The following VPS54 variants were observed in gnomAD, a reference collection of about 807,000 sequenced individuals.
The protein encoded by VPS54 is VPS54 subunit of GARP complex, also known as vacuolar protein sorting-associated protein 54.
Under a neutral mutation model 121.5 loss-of-function variants are expected in VPS54, and 45 were observed. The observed-to-expected ratio is 0.37, with a 90% CI of 0.29 to 0.47. The LOEUF (loss-of-function observed/expected upper bound fraction) is 0.47. Ranked by LOEUF, VPS54 falls within the 20% of genes least tolerant of loss-of-function variation. VPS54 has a pLI of 0.99. For synonymous variants in VPS54, 371 were observed against 385.8 expected (o/e 0.96, Z 0.45); for missense variants, 1,090 against 1,131.4 (o/e 0.96, Z 0.52).
intron 11 of VPS54, among the ~76,000 whole-genome samples, chr2:63,934,627 C>A (rs1674368679): frequency 1.3e-5 from 2 of 152,084 alleles, no homozygotes; most frequent in Admixed American, 1.3e-4. Context: ...TTCCCTGAAT[C>A]TCCACCCAGC....
chr2:63,947,827 T>G lies in VPS54; in HGVS notation c.1138-337A>C, dbSNP rs903706269. On this transcript the variant is annotated intron_variant, in intron 8 of 22. Coordinates refer to ENST00000272322, the MANE Select transcript of VPS54 (RefSeq NM_016516.3). The stretch of plus-strand genomic sequence containing the variant: ...ATAAATACTCCATGGGCCCTGTGGG[T>G]TTTTTTTGGTTTTTGCTTCTTTGTT... Among the ~76,000 whole-genome samples the G allele has an allele frequency of 5.3e-5, 8 of 151,476 alleles. No individual in the cohort carries two copies. The South Asian group carries it at 6.3e-4, about 12-fold the overall frequency.
chr2:63,946,793 T>TGA (rs1186797063), intron 9 of VPS54, among the ~76,000 whole-genome samples: 1 of 152,098 alleles, frequency 6.6e-6, no homozygotes, highest in Non-Finnish European at 1.5e-5. Context: ...AACATTTGTC[T>TGA]ACTGCTGATG....
intron 1 of VPS54, among the ~76,000 whole-genome samples, chr2:64,005,086 C>CTGCTTTTTTTT (rs1678061133): frequency 1.3e-5 from 1 of 76,604 alleles, no homozygotes; most frequent in Admixed American, 1.5e-4. Flanking sequence ...TCTACTATTG[C>CTGCTTTTTTTT]TTCTTTTTTT....
rs374339034 is a variant in VPS54 at position 63,916,926 on chromosome 2, G to A, written c.2202C>T (p.Val734=). Residue 734 remains valine, a synonymous_variant, in exon 16 of 23, where the codon GTC becomes GTT. Transcript: ENST00000272322. ...CAACAACTGCATACTGTTGTCCCTCGACAATAAGAACTTCAGCTGGTTTCC... is the reference window on the plus strand; with the variant it reads ...CAACAACTGCATACTGTTGTCCCTCAACAATAAGAACTTCAGCTGGTTTCC... ...EERKPAEVLI[V]EGQQYAVVGT... is the part of the protein sequence containing the mutation. 32 of 1,613,394 alleles carry A rather than the reference G, an allele frequency of 2.0e-5. No individual in the cohort carries two copies. The highest frequency in any genetic ancestry group is 2.2e-5 in the Non-Finnish European group (26 of 1,179,640).
intron 2 of VPS54, among the ~76,000 whole-genome samples, chr2:63,982,852 G>C (rs981731216): frequency 5.3e-5 from 8 of 152,180 alleles, no homozygotes; most frequent in Non-Finnish European, 4.4e-5. Context: ...GCAGAGCTTT[G>C]TCTTGTTCAA....
rs550809925 is a variant in VPS54, at chr2:63,927,866, A to G, written c.1739+5807T>C. On this transcript the variant is annotated intron_variant, in intron 12 of 22. Coordinates refer to ENST00000272322, the MANE Select transcript of VPS54 (RefSeq NM_016516.3). ...ACAGTACAAGAACTTTGTGAAGCAT[A>G]CACAAGCTTCAATAGCCGATTCAAT... 2.0e-5 allele frequency among the ~76,000 whole-genome samples: 3 copies of G among 152,308 alleles called. No homozygotes were observed. The East Asian group carries it at 5.8e-4, about 29-fold the overall frequency.
At chr2:63,963,693 G>A (rs1346118035) in intron 6 of VPS54, among the ~76,000 whole-genome samples, 1 of 152,032 alleles carries the variant, frequency 6.6e-6, no homozygotes, top group Non-Finnish European at 1.5e-5. Context: ...TTGAGTTTAT[G>A]CCCTTTTGCT....
chr2:64,018,058 G>A (rs1168965347), intron 1 of VPS54, among the ~76,000 whole-genome samples: 4 of 152,002 alleles, frequency 2.6e-5, no homozygotes, highest in African/African-American at 9.7e-5. Context: ...TGCAGTTTAG[G>A]TTATCGCAGT....
At position 63,999,699 on chromosome 2, in the gene VPS54, C is replaced by T. The variant is rs796701649; in HGVS notation, c.-20-15680G>A. Among the ~76,000 whole-genome samples, 6 of 152,298 alleles carry T rather than the reference C, an allele frequency of 3.9e-5. 1 individual carries two copies. Among genetic ancestry groups the T allele is most frequent in the African/African-American group, 1.4e-4 (6 of 41,560 alleles). On this transcript the variant is annotated intron_variant, in intron 1 of 22. Transcript: ENST00000272322. ...CTTTTTACCCCTATCTCTTTCTCTA[C>T]CTCCTCTTTACAGACAATAACTCTT...
chr2:63,925,231 C>G (rs1383345020), intron 12 of VPS54, among the ~76,000 whole-genome samples: 2 of 152,050 alleles, frequency 1.3e-5, no homozygotes, highest in Non-Finnish European at 2.9e-5. Context: ...TGGGTAAAGG[C>G]CTTGAATAGG....
Position 63,962,456 on chromosome 2 carries a change from G to T in VPS54, c.625-13C>A. 6.3e-7 allele frequency: 1 copy of T among 1,575,422 alleles called. No homozygotes were observed. The highest frequency in any genetic ancestry group is 8.6e-7 in the Non-Finnish European group (1 of 1,163,470). On this transcript the variant is annotated splice_polypyrimidine_tract_variant and intron_variant, in intron 6 of 22. Coordinates refer to ENST00000272322, the MANE Select transcript of VPS54 (RefSeq NM_016516.3). ...GATAATGGCTCAGCTTAAAAGAGAA[G>T]GAAAAAAAATATGAAGTACTATGAG...
chr2:63,955,772 C>A (rs1675466981), intron 7 of VPS54, among the ~76,000 whole-genome samples: 1 of 152,010 alleles, frequency 6.6e-6, no homozygotes, highest in Non-Finnish European at 1.5e-5. Flanking sequence ...TTCACCTATT[C>A]ATCCTCAATC....
At chr2:63,921,364 G>C in intron 12 of VPS54, 29 bp from the exon 13 acceptor site, 1 of 1,606,528 alleles carries the variant, frequency 6.2e-7, no homozygotes, top group Non-Finnish European at 8.5e-7. Context: ...GATTTAGTCA[G>C]GGAAAGTTGT....
intron 1 of VPS54, among the ~76,000 whole-genome samples, chr2:63,996,204 A>G (rs1344109567): frequency 6.6e-6 from 1 of 152,216 alleles, no homozygotes; most frequent in Non-Finnish European, 1.5e-5. Context: ...AATTGTGAAG[A>G]TTTCATGGAC....
intron 22 of VPS54, among the ~76,000 whole-genome samples, chr2:63,894,783 TC>T: frequency 6.6e-6 from 1 of 151,220 alleles, no homozygotes; most frequent in East Asian, 1.9e-4. Context: ...CATAGATAAA[TC>T]AGTAAAAATG....
chr2:63,995,086 A>G (rs2104655311), intron 1 of VPS54, among the ~76,000 whole-genome samples: 1 of 152,312 alleles, frequency 6.6e-6, no homozygotes, highest in East Asian at 1.9e-4. Context: ...AACTTTAGAA[A>G]TTGGCTATTG....
At chr2:63,907,663 C>G (rs1057254556) in intron 20 of VPS54, among the ~76,000 whole-genome samples, 8 of 151,936 alleles carry the variant, frequency 5.3e-5, no homozygotes, top group Admixed American at 2.6e-4. Flanking sequence ...AAGCCACAAA[C>G]TGGGAGAAAA....
chr2:63,994,024 G>C (rs950468828), intron 1 of VPS54, among the ~76,000 whole-genome samples: 3 of 152,130 alleles, frequency 2.0e-5, no homozygotes, highest in African/African-American at 7.2e-5. Flanking sequence ...GATCATCAAA[G>C]GAAAACCACA....
chr2:63,995,371 G>T (rs1032299320), intron 1 of VPS54, among the ~76,000 whole-genome samples: 1 of 152,220 alleles, frequency 6.6e-6, no homozygotes, highest in Non-Finnish European at 1.5e-5. Flanking sequence ...GTTCGAGCTG[G>T]AGAAGAAATC....
Sources: gnomAD v4.1 joint callset for allele counts (sites outside exome capture counted in the v4.1 genomes callset) on GRCh38, gnomAD v4.1.1 for gene constraint, MANE v1.5 for transcripts, NCBI Gene and HGNC (gene_info 2026-07-23, HGNC 2026-07-21) for gene names.